The following NAV3 variants were observed in gnomAD, a reference collection of about 807,000 sequenced individuals.
NAV3 encodes neuron navigator 3, also known as pore membrane and/or filament interacting like protein 1.
Under a neutral mutation model 244.7 loss-of-function variants are expected in NAV3, and 87 were observed. The ratio of observed to expected loss-of-function variants is 0.36; its 90% CI spans 0.30 to 0.42. The LOEUF is 0.42. Ranked by LOEUF, NAV3 falls within the 20% of genes least tolerant of loss-of-function variation. The pLI is 1.00. For missense variants in NAV3, 2,663 were observed against 2,893.3 expected (o/e 0.92, Z 1.83); for synonymous variants, 1,126 against 1,042.2 (o/e 1.08, Z -1.55).
At chr12:78,132,210 AAC>A (rs1320381697) in intron 18 of NAV3, among the ~76,000 whole-genome samples, 3 of 147,292 alleles carry the variant, frequency 2.0e-5, no homozygotes, top group African/African-American at 7.4e-5. Context: ...TCAGAGTTAA[AAC>A]ACAATTAATA....
chr12:77,969,612 C>T (rs1215275036), intron 5 of NAV3, among the ~76,000 whole-genome samples: 4 of 152,028 alleles, frequency 2.6e-5, no homozygotes, highest in Non-Finnish European at 4.4e-5. Flanking sequence ...TTTGGGAGGC[C>T]GAGGTGGATG....
chr12:77,704,949 A>G (rs1242065336), intron 2 of NAV3, among the ~76,000 whole-genome samples: 1 of 152,206 alleles, frequency 6.6e-6, no homozygotes, highest in East Asian at 1.9e-4. Flanking sequence ...AGATTTTATG[A>G]TACTATTTTA....
At chr12:78,100,704 A>G (rs926467830) in intron 12 of NAV3, among the ~76,000 whole-genome samples, 1 of 152,084 alleles carries the variant, frequency 6.6e-6, no homozygotes, top group African/African-American at 2.4e-5. Flanking sequence ...AGCACTCTAT[A>G]TAAAATCCTT....
At chr12:77,976,970 C>T (rs1268331935) in intron 5 of NAV3, among the ~76,000 whole-genome samples, 14 of 152,058 alleles carry the variant, frequency 9.2e-5, no homozygotes, top group Middle Eastern at 6.4e-3. Context: ...CCACCACACC[C>T]GGCCTGTACT....
intron 25 of NAV3, among the ~76,000 whole-genome samples, chr12:78,175,757 G>A (rs1031226511): frequency 6.7e-6 from 1 of 150,056 alleles, no homozygotes; most frequent in African/African-American, 2.5e-5. Flanking sequence ...TTTTTCTATA[G>A]TATAACTATA....
At chr12:77,646,933 G>A (rs538916737) in intron 2 of NAV3, among the ~76,000 whole-genome samples, 103 of 152,078 alleles carry the variant, frequency 6.8e-4, no homozygotes, top group African/African-American at 1.2e-3. Flanking sequence ...TGAACCATCC[G>A]AGCTTGCTGA....
chr12:77,917,461 T>A (rs1887262247), intron 1 of NAV3, among the ~76,000 whole-genome samples: 1 of 152,054 alleles, frequency 6.6e-6, no homozygotes, highest in Admixed American at 6.6e-5. Flanking sequence ...TTTTATATCA[T>A]CAGTTTTGTT....
intron 2 of NAV3, among the ~76,000 whole-genome samples, chr12:77,618,779 AAGAT>A (rs1431955488): frequency 6.6e-6 from 1 of 152,200 alleles, no homozygotes; most frequent in Non-Finnish European, 1.5e-5. Context: ...AAGAAGGAAG[AAGAT>A]AGGAAGGAAG....
At chr12:77,901,320 T>C (rs778538310) in intron 1 of NAV3, among the ~76,000 whole-genome samples, 3 of 152,198 alleles carry the variant, frequency 2.0e-5, no homozygotes, top group Non-Finnish European at 4.4e-5. Context: ...AAAAACTGTA[T>C]TTCCTAAATT....
At chr12:77,639,990 A>G (rs1592530208) in intron 2 of NAV3, among the ~76,000 whole-genome samples, 1 of 152,170 alleles carries the variant, frequency 6.6e-6, no homozygotes, top group South Asian at 2.1e-4. Context: ...GTAGGGAATG[A>G]CCCCAGACAA....
At chr12:77,983,874 T>A (rs1870004331) in intron 5 of NAV3, among the ~76,000 whole-genome samples, 1 of 152,234 alleles carries the variant, frequency 6.6e-6, no homozygotes, top group Non-Finnish European at 1.5e-5. Flanking sequence ...GTCTTTCAAA[T>A]TATTCCTGGA....
intron 2 of NAV3, among the ~76,000 whole-genome samples, chr12:77,763,965 G>A (rs1473591144): frequency 3.9e-5 from 6 of 152,214 alleles, no homozygotes; most frequent in Admixed American, 3.3e-4. Context: ...GGAATACTCC[G>A]AGGCCTGGGA....
chr12:77,573,656 C>T (rs1176866043), intron 2 of NAV3, among the ~76,000 whole-genome samples: 1 of 152,116 alleles, frequency 6.6e-6, no homozygotes, highest in African/African-American at 2.4e-5. Flanking sequence ...ACTAAGAAGC[C>T]ATTTAATCAT....
At chr12:77,907,520 C>T (rs1814411934) in intron 1 of NAV3, among the ~76,000 whole-genome samples, 1 of 152,076 alleles carries the variant, frequency 6.6e-6, no homozygotes, top group African/African-American at 2.4e-5. Context: ...CACTAGCTAT[C>T]TCTATCACAT....
At chr12:78,134,832 A>G (rs1956305749) in intron 18 of NAV3, among the ~76,000 whole-genome samples, 1 of 152,220 alleles carries the variant, frequency 6.6e-6, no homozygotes, top group Non-Finnish European at 1.5e-5. Flanking sequence ...GTTACTACAA[A>G]TAAATATATA....
At chr12:77,596,910 G>T (rs1870196362) in intron 2 of NAV3, among the ~76,000 whole-genome samples, 1 of 152,040 alleles carries the variant, frequency 6.6e-6, no homozygotes, top group South Asian at 2.1e-4. Flanking sequence ...ATGGTGGAGA[G>T]GGGTACAATA....
At chr12:77,961,936 A>T (rs1490158387) in intron 3 of NAV3, among the ~76,000 whole-genome samples, 1 of 152,010 alleles carries the variant, frequency 6.6e-6, no homozygotes, top group Non-Finnish European at 1.5e-5. Flanking sequence ...AGCATTTGCT[A>T]TTTGATAAGC....
chr12:77,600,594 G>A (rs1870382063), intron 2 of NAV3, among the ~76,000 whole-genome samples: 1 of 152,002 alleles, frequency 6.6e-6, no homozygotes, highest in African/African-American at 2.4e-5. Flanking sequence ...CTTGGCAAGT[G>A]CATTATTTCA....
intron 38 of NAV3, 131 bp from the exon 39 acceptor site, chr12:78,204,804 C>T (rs1960113499): frequency 2.7e-6 from 2 of 731,584 alleles, no homozygotes; most frequent in Non-Finnish European, 4.5e-6. Context: ...AAACTGTATA[C>T]AGATACTTAA....
Sources: gnomAD v4.1 joint callset for allele counts (sites outside exome capture counted in the v4.1 genomes callset) on GRCh38, gnomAD v4.1.1 for gene constraint, MANE v1.5 for transcripts, NCBI Gene and HGNC (gene_info 2026-07-23, HGNC 2026-07-21) for gene names.